The following RERE variants were observed in gnomAD, a reference collection of about 807,000 sequenced individuals.
The protein encoded by RERE is arginine-glutamic acid dipeptide repeats protein.
A neutral mutation model predicts 146.1 loss-of-function variants in RERE; 40 were observed. The ratio of observed to expected loss-of-function variants is 0.27; its 90% CI spans 0.21 to 0.36. RERE has a LOEUF of 0.36. RERE is among the 10% of genes least tolerant of loss of function. The pLI is 1.00. For missense variants in RERE, 1,933 were observed against 2,138.7 expected, an observed-to-expected ratio of 0.90 and a Z score of 1.90; for synonymous variants, 1,003 against 866.0, an observed-to-expected ratio of 1.16 and a Z score of -2.78.
chr1:8,548,022 T>A (rs1645886753), intron 6 of RERE, among the ~76,000 whole-genome samples: 1 of 152,214 alleles, frequency 6.6e-6, no homozygotes, highest in Non-Finnish European at 1.5e-5. Flanking sequence ...TAAAAGAGAA[T>A]GAGAAAGTCC....
intron 12 of RERE, among the ~76,000 whole-genome samples, chr1:8,370,198 A>T (rs1641982280): frequency 6.6e-6 from 1 of 152,048 alleles, no homozygotes; most frequent in Non-Finnish European, 1.5e-5. Flanking sequence ...CAACTTGGCA[A>T]TTAAAAGGCA....
At position 8,439,652 on chromosome 1, in the gene RERE, ACACCCCCT is replaced by A. The variant is rs1354131226; in HGVS notation, c.1204-16853_1204-16846del. On this transcript the variant is annotated intron_variant, in intron 11 of 22. Coordinates refer to ENST00000400908, the MANE Select transcript of RERE (RefSeq NM_001042681.2). The stretch of plus-strand genomic sequence containing the variant: ...GAAAGGTCAATGACCCTTGGGAACC[ACACCCCCT>A]GGCGGTTCCAGGTGGATTCCCTGAT... 2.6e-5 allele frequency among the ~76,000 whole-genome samples: 4 copies of A among 152,252 alleles called. No homozygotes were observed. In the South Asian group the frequency reaches 8.3e-4, roughly 31 times the overall value.
chr1:8,779,134 A>T (rs184736983), intron 1 of RERE, among the ~76,000 whole-genome samples: 42 of 151,838 alleles, frequency 2.8e-4, no homozygotes, highest in Non-Finnish European at 5.2e-4. Flanking sequence ...GGCATGAGCC[A>T]CCACGCCCAC....
At chr1:8,591,593 C>T (rs528305741) in intron 4 of RERE, among the ~76,000 whole-genome samples, 108 of 152,286 alleles carry the variant, frequency 7.1e-4, no homozygotes, top group African/African-American at 2.4e-3. Context: ...TGGAAATTAT[C>T]CACAGGACGA....
At chr1:8,419,638 A>C (rs1302262481) in intron 12 of RERE, among the ~76,000 whole-genome samples, 1 of 152,268 alleles carries the variant, frequency 6.6e-6, no homozygotes, top group Non-Finnish European at 1.5e-5. Flanking sequence ...TAAGGTAGAC[A>C]GGAAGAACAA....
intron 1 of RERE, among the ~76,000 whole-genome samples, chr1:8,741,429 G>T (rs1640305208): frequency 6.6e-6 from 1 of 152,170 alleles, no homozygotes; most frequent in Non-Finnish European, 1.5e-5. Context: ...ATCTTGAATT[G>T]TAAACCCCAT....
At chr1:8,773,999 C>T (rs929068537) in intron 1 of RERE, among the ~76,000 whole-genome samples, 7 of 152,136 alleles carry the variant, frequency 4.6e-5, no homozygotes, top group Admixed American at 6.5e-5. Context: ...CAGCTCATAG[C>T]CTTCCTTCTC....
At chr1:8,570,969 T>C (rs907036129) in intron 4 of RERE, among the ~76,000 whole-genome samples, 8 of 152,228 alleles carry the variant, frequency 5.3e-5, no homozygotes, top group Non-Finnish European at 8.8e-5. Flanking sequence ...GAAGCTCTCA[T>C]TGTCAAATTT....
intron 1 of RERE, among the ~76,000 whole-genome samples, chr1:8,785,443 T>C (rs925413890): frequency 1.3e-5 from 2 of 152,142 alleles, no homozygotes; most frequent in Non-Finnish European, 2.9e-5. Context: ...CAGAGGAAAA[T>C]ATGCACATCT....
In RERE at chr1:8,540,942, T is replaced by C. The variant is rs141772229; in HGVS notation, c.830+272A>G. The stretch of plus-strand genomic sequence containing the variant: ...TCAAAATACAGATAAACTAAAAGTA[T>C]ATCTTTATCCCACCTTCTTTCAACC... On this transcript the variant is annotated intron_variant, in intron 7 of 22. Coordinates refer to ENST00000400908, the MANE Select transcript of RERE (RefSeq NM_001042681.2). 7.6e-3 allele frequency among the ~76,000 whole-genome samples: 1,153 copies of C among 152,348 alleles called. 10 individuals carry two copies. Among genetic ancestry groups the C allele is most frequent in the South Asian group, 0.012 (56 of 4,832 alleles).
chr1:8,542,456 A>C (rs867533411), intron 6 of RERE, among the ~76,000 whole-genome samples: 5 of 152,256 alleles, frequency 3.3e-5, no homozygotes, highest in South Asian at 4.1e-4. Context: ...GCGTGGGTTC[A>C]TTCATTCACT....
At chr1:8,507,218 G>A (rs551950220) in intron 8 of RERE, among the ~76,000 whole-genome samples, 9 of 152,328 alleles carry the variant, frequency 5.9e-5, no homozygotes, top group South Asian at 4.1e-4. Context: ...CAAGGCTGCC[G>A]TGAGCCGTGA....
chr1:8,527,760 C>T (rs1645587436), intron 7 of RERE, among the ~76,000 whole-genome samples: 1 of 152,150 alleles, frequency 6.6e-6, no homozygotes, highest in Non-Finnish European at 1.5e-5. Flanking sequence ...ACATGCCATG[C>T]CACCAAGACA....
intron 4 of RERE, among the ~76,000 whole-genome samples, chr1:8,614,114 G>A (rs555298251): frequency 7.9e-5 from 12 of 152,196 alleles, no homozygotes; most frequent in Middle Eastern, 3.4e-3. Flanking sequence ...GAAAAGCCTC[G>A]CTATTTCTGA....
chr1:8,528,357 G>A (rs1264737795), intron 7 of RERE, among the ~76,000 whole-genome samples: 2 of 152,156 alleles, frequency 1.3e-5, no homozygotes, highest in Admixed American at 6.5e-5. Flanking sequence ...TATGAAGGCC[G>A]TTGTTGAAAA....
At chr1:8,480,431 C>T (rs1304920668) in intron 10 of RERE, among the ~76,000 whole-genome samples, 6 of 143,770 alleles carry the variant, frequency 4.2e-5, no homozygotes, top group Admixed American at 1.4e-4. Flanking sequence ...AGCCACCAGG[C>T]CCGGAAATTT....
chr1:8,675,078 T>C (rs1638804184), intron 1 of RERE, among the ~76,000 whole-genome samples: 1 of 152,270 alleles, frequency 6.6e-6, no homozygotes, highest in Middle Eastern at 3.4e-3. Flanking sequence ...TAAAGTTAAT[T>C]TGATCAAATC....
Position 8,773,895 on chromosome 1 carries a change from T to C in RERE, c.-145+43265A>G, listed in dbSNP as rs543855259. On this transcript the variant is annotated intron_variant, in intron 1 of 22. Transcript: ENST00000400908. Reference sequence around the variant, plus strand: ...TGACATCAATGACAGTCAAAGACAATGAGAAGGGGAAATGTCACAAAAGAA... The same window carrying C: ...TGACATCAATGACAGTCAAAGACAACGAGAAGGGGAAATGTCACAAAAGAA... Among the ~76,000 whole-genome samples the C allele has an allele frequency of 8.5e-5, 13 of 152,256 alleles. 1 individual carries two copies. The South Asian group carries it at 2.5e-3, about 29-fold the overall frequency.
chr1:8,784,227 C>T (rs1488289732), intron 1 of RERE, among the ~76,000 whole-genome samples: 3 of 152,286 alleles, frequency 2.0e-5, no homozygotes, highest in East Asian at 3.9e-4. Flanking sequence ...TGGCAAACTC[C>T]CACACATTTT....
Sources: allele counts gnomAD v4.1 joint callset (sites outside exome capture counted in the v4.1 genomes callset), GRCh38; gene constraint gnomAD v4.1.1; transcripts MANE v1.5; gene names NCBI Gene and HGNC (gene_info 2026-07-23, HGNC 2026-07-21).